The following NFIA variants were observed in gnomAD, a reference collection of about 807,000 sequenced individuals.
NFIA encodes the protein nuclear factor I A, also known as nuclear factor 1 A-type.
A neutral mutation model predicts 62.8 loss-of-function variants in NFIA; 8 were observed. The ratio of observed to expected loss-of-function variants is 0.13; its 90% CI spans 0.07 to 0.23. NFIA has a LOEUF of 0.23. NFIA is among the 10% of genes least tolerant of loss of function. NFIA has a pLI of 1.00. For synonymous variants in NFIA, 235 were observed against 238.1 expected, an observed-to-expected ratio of 0.99 and a Z score of 0.12; for missense variants, 410 against 642.1, an observed-to-expected ratio of 0.64 and a Z score of 3.91.
chr1:61,308,023 T>C (rs978277434), intron 3 of NFIA, among the ~76,000 whole-genome samples: 5 of 152,216 alleles, frequency 3.3e-5, no homozygotes, highest in African/African-American at 9.6e-5. Context: ...TATGATGATA[T>C]TATTTCGTGG....
At chr1:61,187,257 C>T (rs958704852) in intron 2 of NFIA, among the ~76,000 whole-genome samples, 3 of 152,066 alleles carry the variant, frequency 2.0e-5, no homozygotes, top group Non-Finnish European at 4.4e-5. Flanking sequence ...TCTGTGATCC[C>T]TTGTGACCTG....
At chr1:61,353,275 G>T (rs906639492) in intron 5 of NFIA, among the ~76,000 whole-genome samples, 2 of 152,140 alleles carry the variant, frequency 1.3e-5, no homozygotes, top group African/African-American at 4.8e-5. Context: ...AGACCCCATT[G>T]TATTGAGAGA....
At chr1:61,128,731 C>T (rs1231266713) in intron 2 of NFIA, among the ~76,000 whole-genome samples, 1 of 151,992 alleles carries the variant, frequency 6.6e-6, no homozygotes, top group Non-Finnish European at 1.5e-5. Flanking sequence ...CATTCATGGA[C>T]ATGAAATGGA....
intron 7 of NFIA, among the ~76,000 whole-genome samples, chr1:61,389,813 A>G (rs1402148221): frequency 6.6e-6 from 1 of 151,660 alleles, no homozygotes; most frequent in Non-Finnish European, 1.5e-5. Flanking sequence ...AGTCCTTGCT[A>G]CTGGTAAATT....
At chr1:61,142,306 A>T (rs1030917295) in intron 2 of NFIA, among the ~76,000 whole-genome samples, 2 of 152,236 alleles carry the variant, frequency 1.3e-5, no homozygotes, top group Non-Finnish European at 1.5e-5. Flanking sequence ...CAAGGGCTGT[A>T]AAGTTAAAAA....
intron 2 of NFIA, among the ~76,000 whole-genome samples, chr1:61,193,376 T>C (rs1651774786): frequency 6.6e-6 from 1 of 152,220 alleles, no homozygotes; most frequent in African/African-American, 2.4e-5. Context: ...AACTTTTCCA[T>C]GTATAGAGGT....
chr1:61,262,011 G>T (rs1299966416), intron 2 of NFIA, among the ~76,000 whole-genome samples: 1 of 152,006 alleles, frequency 6.6e-6, no homozygotes, highest in African/African-American at 2.4e-5. Flanking sequence ...TGCATCATGT[G>T]GTCTGTTTGA....
chr1:61,099,917 T>C (rs1252054388), intron 2 of NFIA, among the ~76,000 whole-genome samples: 1 of 152,186 alleles, frequency 6.6e-6, no homozygotes, highest in African/African-American at 2.4e-5. Flanking sequence ...TTGAGTAACT[T>C]GTCCAGGGTT....
intron 2 of NFIA, among the ~76,000 whole-genome samples, chr1:61,187,923 G>A (rs908679723): frequency 2.0e-5 from 3 of 152,154 alleles, no homozygotes; most frequent in African/African-American, 7.2e-5. Context: ...CCTGTAGTAA[G>A]GAGGTTGAAT....
intron 9 of NFIA, among the ~76,000 whole-genome samples, chr1:61,419,942 A>T (rs1484870563): frequency 6.6e-6 from 1 of 152,176 alleles, no homozygotes; most frequent in Non-Finnish European, 1.5e-5. Flanking sequence ...GAGACAAAAG[A>T]TTTGCAGAAA....
intron 2 of NFIA, among the ~76,000 whole-genome samples, chr1:61,189,038 A>G (rs114810447): frequency 2.0e-3 from 298 of 152,322 alleles, no homozygotes; most frequent in African/African-American, 7.0e-3. Flanking sequence ...CATTATGACC[A>G]GTCAGGCAAA....
At chr1:61,224,421 T>G (rs950909262) in intron 2 of NFIA, among the ~76,000 whole-genome samples, 1 of 152,188 alleles carries the variant, frequency 6.6e-6, no homozygotes, top group African/African-American at 2.4e-5. Flanking sequence ...GAGAACTTTG[T>G]TTAAACTAGC....
At chr1:61,328,313 C>T (rs545818912) in intron 3 of NFIA, among the ~76,000 whole-genome samples, 10 of 152,162 alleles carry the variant, frequency 6.6e-5, no homozygotes, top group East Asian at 5.8e-4. Flanking sequence ...TTCTTCTTTT[C>T]CTATTTGGCT....
At position 61,442,814 on chromosome 1, in the gene NFIA, TA is replaced by T. The variant is rs570580811; in HGVS notation, c.1513-12486del. Among the ~76,000 whole-genome samples, 93 of 152,350 alleles carry T rather than the reference TA, an allele frequency of 6.1e-4. 3 individuals are homozygous for T. Among genetic ancestry groups the T allele is most frequent in the African/African-American group, 2.1e-3 (89 of 41,578 alleles). ...TGGAAATCAACCAATCAGTCCTGGC[TA>T]AAGGCTGAGAAACTTAAGATTGTAA... On this transcript the variant is annotated intron_variant, in intron 10 of 10. Transcript: ENST00000403491.
chr1:61,256,814 C>G (rs1404049905), intron 2 of NFIA, among the ~76,000 whole-genome samples: 1 of 152,058 alleles, frequency 6.6e-6, no homozygotes, highest in Admixed American at 6.6e-5. Context: ...ATTTAGGACC[C>G]TCTGTTGTAA....
intron 2 of NFIA, among the ~76,000 whole-genome samples, chr1:61,117,239 G>A (rs929633692): frequency 4.6e-5 from 7 of 152,056 alleles, no homozygotes; most frequent in Non-Finnish European, 8.8e-5. Flanking sequence ...TTATAGGCCC[G>A]ATTCTCTAGT....
At chr1:61,145,694 C>T (rs1570258863) in intron 2 of NFIA, among the ~76,000 whole-genome samples, 1 of 152,162 alleles carries the variant, frequency 6.6e-6, no homozygotes, top group Non-Finnish European at 1.5e-5. Context: ...TGGGCACTCA[C>T]ATGTTAATTT....
chr1:61,233,152 T>C (rs17305218), intron 2 of NFIA, among the ~76,000 whole-genome samples: 6,252 of 152,310 alleles, frequency 0.041, 184 homozygotes, highest in Non-Finnish European at 0.062. Flanking sequence ...GTACCTACTA[T>C]ATTCTTGTCT....
At chr1:61,077,798 T>C (rs1646049621), upstream of NFIA, among the ~76,000 whole-genome samples, 1 of 152,076 alleles carries the variant, frequency 6.6e-6, no homozygotes, top group Non-Finnish European at 1.5e-5. Flanking sequence ...TTTAAAGATG[T>C]AGCTTTGTTG....
Sources: gnomAD v4.1 joint callset for allele counts (sites outside exome capture counted in the v4.1 genomes callset) on GRCh38, gnomAD v4.1.1 for gene constraint, MANE v1.5 for transcripts, NCBI Gene and HGNC (gene_info 2026-07-23, HGNC 2026-07-21) for gene names.